Variants in FOCAD observed in about 807,000 individuals in gnomAD.
The protein encoded by FOCAD is focadhesin.
A neutral mutation model predicts 225.6 loss-of-function variants in FOCAD; 198 were observed. The observed-to-expected ratio is 0.88, with a 90% confidence interval of 0.78 to 0.99. The LOEUF (loss-of-function observed/expected upper bound fraction) is 0.99, where lower values mean the gene tolerates loss of function less well. Among genes scored for constraint, FOCAD ranks in the 50% least tolerant of loss-of-function variants. The pLI, the probability that FOCAD is intolerant of heterozygous loss-of-function variation, is 0.00. For missense variants in FOCAD, 2,713 were observed against 2,123.6 expected (o/e 1.28, Z -5.46); for synonymous variants, 897 against 755.0 (o/e 1.19, Z -3.08).
intron 6 of FOCAD, among the ~76,000 whole-genome samples, chr9:20,759,127 C>G (rs1333901191): frequency 4.6e-5 from 7 of 152,090 alleles, no homozygotes; most frequent in South Asian, 2.1e-4. Flanking sequence ...AGGATACAAA[C>G]AAATGGAAGA....
chr9:20,757,279 G>C (rs535923509), intron 5 of FOCAD, among the ~76,000 whole-genome samples: 1 of 152,316 alleles, frequency 6.6e-6, no homozygotes, highest in South Asian at 2.1e-4. Flanking sequence ...ATAAATAATA[G>C]CTAAAAATTG....
At chr9:20,850,770 TA>T (rs1034409137) in intron 15 of FOCAD, among the ~76,000 whole-genome samples, 1 of 150,784 alleles carries the variant, frequency 6.6e-6, no homozygotes, top group African/African-American at 2.4e-5. Context: ...AATTGCTCTT[TA>T]ATATTATTTC....
chr9:20,847,323 A>G (rs1031668435), intron 15 of FOCAD, among the ~76,000 whole-genome samples: 1 of 152,146 alleles, frequency 6.6e-6, no homozygotes, highest in Non-Finnish European at 1.5e-5. Context: ...GGAATCATAC[A>G]GTATGTGGTA....
chr9:20,683,989 GC>G (rs1486998570), upstream of FOCAD: 1 of 152,290 alleles, frequency 6.6e-6, no homozygotes, highest in African/African-American at 2.4e-5. Flanking sequence ...TTTTCCTTGG[GC>G]TAACTCCTCA....
intron 25 of FOCAD, among the ~76,000 whole-genome samples, chr9:20,924,983 C>A (rs1361786038): frequency 6.6e-6 from 1 of 152,124 alleles, no homozygotes; most frequent in Non-Finnish European, 1.5e-5. Context: ...AACCTTCAAA[C>A]AGTGGGGAAG....
chr9:20,968,431 CT>C (rs35624897), intron 35 of FOCAD, among the ~76,000 whole-genome samples: 32 of 43,630 alleles, frequency 7.3e-4, no homozygotes, highest in African/African-American at 2.4e-3. Context: ...TTTTCTTATT[CT>C]TTTTTTTTTT....
At position 20,822,990 on chromosome 9, in the gene FOCAD, C is replaced by G; in HGVS notation, c.1795C>G (p.Pro599Ala). 6.3e-7 allele frequency: 1 copy of G among 1,588,614 alleles called. No individual in the cohort carries two copies. The highest frequency in any genetic ancestry group is 8.5e-7 in the Non-Finnish European group (1 of 1,171,554). Residue 599 changes from proline to alanine, a missense_variant and splice_region_variant, in exon 15 of 44, where the codon CCA becomes GCA. Physicochemically the swap from Pro to Ala is conservative, Grantham distance 27 (BLOSUM62 -1). Transcript: ENST00000338382. ...ASIRDICKQR[P>A]YQHGADMLAA... is the part of the protein sequence containing the mutation. ...CTTTTAAACTTTCATTTCTTGTAGG[C>G]CATATCAACATGGTGCAGATATGTT...
At chr9:20,823,139 G>T (rs755852617) in intron 15 of FOCAD, 24 bp downstream of exon 15, 2 of 1,595,020 alleles carry the variant, frequency 1.3e-6, no homozygotes, top group Non-Finnish European at 1.7e-6. Context: ...AATTGCTTTG[G>T]ATAATTTTGA....
At chr9:20,941,039 C>G (rs940270765) in intron 28 of FOCAD, among the ~76,000 whole-genome samples, 2 of 151,970 alleles carry the variant, frequency 1.3e-5, no homozygotes, top group Admixed American at 1.3e-4. Context: ...TTAAAGTATT[C>G]CCTTATCTAA....
intron 26 of FOCAD, chr9:20,927,948 T>TG (rs1835112000): frequency 6.9e-6 from 1 of 145,962 alleles, no homozygotes; most frequent in Non-Finnish European, 1.5e-5. Flanking sequence ...ATAGTTGAGG[T>TG]AAAAAAAAAA....
At chr9:20,707,793 G>T (rs950195158) in intron 1 of FOCAD, among the ~76,000 whole-genome samples, 3 of 152,146 alleles carry the variant, frequency 2.0e-5, no homozygotes, top group African/African-American at 7.2e-5. Flanking sequence ...GGTTAAAAGG[G>T]TTCCAATTAT....
At chr9:20,740,490 G>T (rs1370612489) in intron 5 of FOCAD, 150 bp downstream of exon 5, 2 of 498,378 alleles carry the variant, frequency 4.0e-6, no homozygotes, top group Non-Finnish European at 3.6e-6. Flanking sequence ...GGAAGTTAGC[G>T]TTTCAAAGAC....
chr9:20,809,464 C>T (rs986344171), intron 11 of FOCAD, among the ~76,000 whole-genome samples: 3 of 151,988 alleles, frequency 2.0e-5, no homozygotes, highest in African/African-American at 7.3e-5. Flanking sequence ...TTCAATTGAT[C>T]AATCAAATTA....
intron 1 of FOCAD, among the ~76,000 whole-genome samples, chr9:20,713,968 A>C (rs1467664243): frequency 6.6e-6 from 1 of 152,192 alleles, no homozygotes; most frequent in Non-Finnish European, 1.5e-5. Flanking sequence ...AAGTTGTTTT[A>C]GTGTTGTGGA....
chr9:20,686,425 G>T lies in FOCAD; in HGVS notation c.-33+2132G>T, dbSNP rs201356576. Reference sequence around the variant, plus strand: ...CTCCGCGTTGGTGTTACATCTTTCAGTTCTAGAAATGGACCTGATCAAGAT... The same window carrying T: ...CTCCGCGTTGGTGTTACATCTTTCATTTCTAGAAATGGACCTGATCAAGAT... On this transcript the variant is annotated intron_variant, in intron 1 of 43. Coordinates refer to ENST00000338382, the MANE Select transcript of FOCAD (RefSeq NM_001375567.1). Among the ~76,000 whole-genome samples, 11 of 152,270 alleles carry T rather than the reference G, an allele frequency of 7.2e-5. No individual in the cohort carries two copies. The East Asian group carries it at 2.1e-3, about 29-fold the overall frequency.
At chr9:20,673,900 T>G (rs1304845064) in intron 2 of FOCAD, among the ~76,000 whole-genome samples, 1 of 152,262 alleles carries the variant, frequency 6.6e-6, no homozygotes, top group Non-Finnish European at 1.5e-5. Context: ...TTAATTAGAT[T>G]GTTTTTTAAT....
At chr9:20,847,110 G>A (rs751886724) in intron 15 of FOCAD, among the ~76,000 whole-genome samples, 6 of 151,976 alleles carry the variant, frequency 3.9e-5, no homozygotes, top group African/African-American at 9.7e-5. Context: ...CATTTTAATC[G>A]TGCATTTCAA....
chr9:20,823,852 C>A (rs1564034181), intron 15 of FOCAD, among the ~76,000 whole-genome samples: 1 of 151,974 alleles, frequency 6.6e-6, no homozygotes, highest in Non-Finnish European at 1.5e-5. Flanking sequence ...AAGTGACAGC[C>A]ATATTGAGCG....
At chr9:20,939,224 G>T (rs1836373262) in intron 28 of FOCAD, among the ~76,000 whole-genome samples, 1 of 149,274 alleles carries the variant, frequency 6.7e-6, no homozygotes, top group South Asian at 2.2e-4. Context: ...GAAGTATCTT[G>T]AAAATAGAAA....
Sources: gnomAD v4.1 joint callset for allele counts (sites outside exome capture counted in the v4.1 genomes callset) on GRCh38, gnomAD v4.1.1 for gene constraint, MANE v1.5 for transcripts, NCBI Gene and HGNC (gene_info 2026-07-23, HGNC 2026-07-21) for gene names.